Variants in MAML2 observed in about 807,000 individuals in gnomAD.
The protein encoded by MAML2 is mastermind-like protein 2.
Under a neutral mutation model 96.1 loss-of-function variants are expected in MAML2, and 22 were observed. The observed-to-expected ratio is 0.23, with a 90% CI of 0.16 to 0.33. MAML2 has a LOEUF of 0.33. Among genes scored for constraint, MAML2 ranks in the 10% least tolerant of loss-of-function variants. The pLI, the probability that MAML2 is intolerant of heterozygous loss-of-function variation, is 1.00. For synonymous variants in MAML2, 561 were observed against 521.3 expected (o/e 1.08, Z -1.04); for missense variants, 1,367 against 1,392.4 (o/e 0.98, Z 0.29).
At chr11:96,154,502 T>G (rs1389899898) in intron 1 of MAML2, among the ~76,000 whole-genome samples, 1 of 152,234 alleles carries the variant, frequency 6.6e-6, no homozygotes, top group Non-Finnish European at 1.5e-5. Flanking sequence ...CTTTAGAACT[T>G]GTAGGCTGTC....
intron 2 of MAML2, among the ~76,000 whole-genome samples, chr11:95,992,789 A>G (rs563299967): frequency 1.3e-5 from 2 of 152,216 alleles, no homozygotes; most frequent in Non-Finnish European, 2.9e-5. Context: ...GCTATAGATC[A>G]GGGTACCTCC....
At chr11:96,199,532 T>TGAGCACAGA (rs1339000528) in intron 1 of MAML2, among the ~76,000 whole-genome samples, 1 of 152,158 alleles carries the variant, frequency 6.6e-6, no homozygotes, top group African/African-American at 2.4e-5. Context: ...AATTTTTTTT[T>TGAGCACAGA]TTTTTTTGAG....
rs60727839 is a variant in MAML2, at chr11:96,092,210, TTGCTGCTGCTGCTGCTGC to T, written c.1803_1820del (p.Gln616_Gln621del). The T allele has an allele frequency of 1.5e-4, 224 of 1,463,064 alleles. No individual in the cohort carries two copies. In the African/African-American group the frequency reaches 2.0e-3, roughly 13 times the overall value. The allele number at this position is 1,463,064 out of a possible 1,614,324, so 90.6% of individuals were successfully genotyped here. A position where few individuals can be genotyped will look rare whatever the true frequency, so the allele number is the denominator to read the frequency against. ...GTTGCTGTTGCTGCTGCTGCTGCTGTTGCTGCTGCTGCTGCTGCTGCTGCTGCTGCTGCTGCTGCTGTT... is the reference window on the plus strand; with the variant it reads ...GTTGCTGTTGCTGCTGCTGCTGCTGTTGCTGCTGCTGCTGCTGCTGCTGTT... On this transcript the variant is annotated inframe_deletion, in exon 2 of 5. Coordinates refer to ENST00000524717, the MANE Select transcript of MAML2 (RefSeq NM_032427.4). The surrounding 1 kb of genome is among the most constrained non-coding windows in gnomAD (Gnocchi z 4.1).
At chr11:96,123,474 G>A (rs146480695) in intron 1 of MAML2, among the ~76,000 whole-genome samples, 267 of 152,300 alleles carry the variant, frequency 1.8e-3, no homozygotes, top group African/African-American at 6.1e-3. Flanking sequence ...ATTTGCCTTT[G>A]ATGTGGTTAA....
chr11:96,079,932 A>G (rs1469086847), intron 2 of MAML2, among the ~76,000 whole-genome samples: 1 of 152,162 alleles, frequency 6.6e-6, no homozygotes, highest in East Asian at 1.9e-4. Flanking sequence ...TGTGGAGATG[A>G]GATGTATCAG....
At chr11:96,246,898 C>T (rs1252979011) in intron 1 of MAML2, among the ~76,000 whole-genome samples, 2 of 152,158 alleles carry the variant, frequency 1.3e-5, no homozygotes, top group South Asian at 2.1e-4. Context: ...GTCTCCTCAC[C>T]CTGTCTCTAT....
chr11:96,051,963 G>C (rs189122131), intron 2 of MAML2, among the ~76,000 whole-genome samples: 1 of 152,136 alleles, frequency 6.6e-6, no homozygotes. Flanking sequence ...CAAGGATTCC[G>C]TTTAGAAACT....
intron 1 of MAML2, among the ~76,000 whole-genome samples, chr11:96,289,797 C>G (rs772644231): frequency 3.9e-5 from 6 of 151,938 alleles, no homozygotes; most frequent in Non-Finnish European, 2.9e-5. Context: ...ACTGGGTATA[C>G]ACATCATACA....
At chr11:96,214,703 T>C (rs909975928) in intron 1 of MAML2, among the ~76,000 whole-genome samples, 1 of 152,200 alleles carries the variant, frequency 6.6e-6, no homozygotes, top group Non-Finnish European at 1.5e-5. Flanking sequence ...AACATTTTTG[T>C]CCTGAGTGGC....
intron 1 of MAML2, among the ~76,000 whole-genome samples, chr11:96,162,342 A>T (rs7107740): frequency 0.42 from 63,853 of 151,308 alleles, 13,681 homozygotes; most frequent in African/African-American, 0.49. Flanking sequence ...AGCTAGTTAG[A>T]TACTCAGAGA....
chr11:96,282,559 A>C (rs756851147), intron 1 of MAML2, among the ~76,000 whole-genome samples: 24 of 152,188 alleles, frequency 1.6e-4, no homozygotes, highest in Non-Finnish European at 2.9e-4. Context: ...TGTTTAAATT[A>C]TCTCTCCATC....
intron 2 of MAML2, 57 bp from the exon 3 acceptor site, chr11:95,991,780 A>AG (rs1400875709): frequency 3.0e-6 from 4 of 1,350,186 alleles, no homozygotes; most frequent in Non-Finnish European, 4.2e-6. Context: ...AGAAAAATGT[A>AG]GCACAAAGAT....
intron 1 of MAML2, among the ~76,000 whole-genome samples, chr11:96,182,461 C>T (rs562502708): frequency 4.6e-5 from 7 of 152,078 alleles, no homozygotes; most frequent in African/African-American, 1.7e-4. Flanking sequence ...ACATGATTTC[C>T]CTCATCATAG....
chr11:96,267,234 G>T (rs1360602961), intron 1 of MAML2, among the ~76,000 whole-genome samples: 4 of 152,156 alleles, frequency 2.6e-5, no homozygotes, highest in Non-Finnish European at 5.9e-5. Context: ...AGATGAGCTG[G>T]TTTAAATAAG....
intron 2 of MAML2, among the ~76,000 whole-genome samples, chr11:96,029,954 C>T (rs930437609): frequency 6.6e-6 from 1 of 152,136 alleles, no homozygotes; most frequent in Non-Finnish European, 1.5e-5. Flanking sequence ...TCATATGGAG[C>T]CAGGCGCGGT....
Position 96,212,739 on chromosome 11 carries a change from G to A in MAML2, c.514-119222C>T, listed in dbSNP as rs1591075776. ...AGACGTTTAGATAACTCATAAATGA[G>A]TCATCAGTCCATAAACAAGAAAAAG... On this transcript the variant is annotated intron_variant, in intron 1 of 4. Transcript: ENST00000524717. Among the ~76,000 whole-genome samples the A allele has an allele frequency of 2.0e-5, 3 of 152,274 alleles. 1 individual carries two copies. The East Asian group carries it at 5.8e-4, about 29-fold the overall frequency.
intron 1 of MAML2, among the ~76,000 whole-genome samples, chr11:96,324,642 C>A (rs1863750024): frequency 6.6e-6 from 1 of 152,228 alleles, no homozygotes; most frequent in South Asian, 2.1e-4. Flanking sequence ...TGAGTCCCCA[C>A]ATTTTCTCCA....
In MAML2 at chr11:96,093,635, T is replaced by G. The variant is rs533365100; in HGVS notation, c.514-118A>C. 1.9e-3 allele frequency: 1,538 copies of G among 796,996 alleles called. 2 individuals carry two copies. The highest frequency in any genetic ancestry group is 2.6e-3 in the Non-Finnish European group (1,317 of 512,228). The allele number at this position is 796,996 out of a possible 1,614,324, so 49.4% of individuals were successfully genotyped here. A position where few individuals can be genotyped will look rare whatever the true frequency, so the allele number is the denominator to read the frequency against. The stretch of plus-strand genomic sequence containing the variant: ...CTATTTACACACAAGATTCAGTTTT[T>G]TAAAAAAATGGCACAGAGAGAGCAC... On this transcript the variant is annotated intron_variant, in intron 1 of 4. Coordinates refer to ENST00000524717, the MANE Select transcript of MAML2 (RefSeq NM_032427.4).
intron 1 of MAML2, among the ~76,000 whole-genome samples, chr11:96,290,547 T>C (rs894310500): frequency 2.0e-5 from 3 of 152,188 alleles, no homozygotes; most frequent in Admixed American, 2.0e-4. Flanking sequence ...TCTCATATGA[T>C]CCACATTGCC....
Sources: gnomAD v4.1 joint callset for allele counts (sites outside exome capture counted in the v4.1 genomes callset) on GRCh38, gnomAD v4.1.1 for gene constraint, Gnocchi (gnomAD v3.1) non-coding constraint, MANE v1.5 for transcripts, NCBI Gene and HGNC (gene_info 2026-07-23, HGNC 2026-07-21) for gene names.